The following BRAF variants were observed in gnomAD, a reference collection of about 807,000 sequenced individuals.
The protein encoded by BRAF is serine/threonine-protein kinase B-raf.
A neutral mutation model predicts 104.6 loss-of-function variants in BRAF; 16 were observed. The ratio of observed to expected loss-of-function variants is 0.15; its 90% CI spans 0.10 to 0.23. BRAF has a LOEUF of 0.23. Ranked by LOEUF, BRAF falls within the 10% of genes least tolerant of loss-of-function variation. The pLI is 1.00. For synonymous variants in BRAF, 310 were observed against 341.6 expected, an observed-to-expected ratio of 0.91 and a Z score of 1.02; for missense variants, 541 against 937.3, an observed-to-expected ratio of 0.58 and a Z score of 5.52.
intron 5 of BRAF, among the ~76,000 whole-genome samples, chr7:140,807,263 GGTGTGTACAA>G (rs1803753036): frequency 6.6e-6 from 1 of 151,980 alleles, no homozygotes; most frequent in African/African-American, 2.4e-5. Flanking sequence ...GAAACACAAG[GGTGTGTACAA>G]GTGTGTCAAG....
intron 1 of BRAF, among the ~76,000 whole-genome samples, chr7:140,883,455 TAATATTATTCA>T (rs1813174776): frequency 6.6e-6 from 1 of 152,242 alleles, no homozygotes; most frequent in South Asian, 2.1e-4. Context: ...TCTAGTTAAT[TAATATTATTCA>T]AACATTTAGT....
intron 2 of BRAF, among the ~76,000 whole-genome samples, chr7:140,848,974 T>G (rs1322027728): frequency 2.6e-5 from 4 of 152,256 alleles, no homozygotes; most frequent in African/African-American, 7.2e-5. Context: ...GTAATTAAAT[T>G]ACTAAGTTAC....
At chr7:140,901,309 T>C (rs1382198609) in intron 1 of BRAF, among the ~76,000 whole-genome samples, 2 of 152,232 alleles carry the variant, frequency 1.3e-5, no homozygotes, top group Non-Finnish European at 2.9e-5. Flanking sequence ...TAGATACCAC[T>C]ACAAGTGGAT....
At chr7:140,843,770 C>T (rs931189235) in intron 2 of BRAF, among the ~76,000 whole-genome samples, 1 of 152,116 alleles carries the variant, frequency 6.6e-6, no homozygotes, top group Non-Finnish European at 1.5e-5. Context: ...CTTTGGGAGG[C>T]TGAGGCGGGC....
intron 18 of BRAF, among the ~76,000 whole-genome samples, chr7:140,736,559 C>T (rs1400190635): frequency 6.6e-6 from 1 of 151,842 alleles, no homozygotes; most frequent in Admixed American, 6.5e-5. Flanking sequence ...TCCCGAGTAG[C>T]TGGGATTACA....
chr7:140,801,865 G>A (rs369048919), intron 5 of BRAF, among the ~76,000 whole-genome samples: 15 of 152,240 alleles, frequency 9.9e-5, no homozygotes, highest in East Asian at 9.7e-4. Flanking sequence ...TGAAAAGGAG[G>A]AGGAAACAGA....
intron 17 of BRAF, chr7:140,741,336 T>C (rs191736202): frequency 6.6e-6 from 1 of 152,324 alleles, no homozygotes; most frequent in African/African-American, 2.4e-5. Flanking sequence ...GTAACAGGAT[T>C]TGTAGAGAAG....
chr7:140,786,205 C>G (rs1211591792), intron 9 of BRAF, among the ~76,000 whole-genome samples: 1 of 152,134 alleles, frequency 6.6e-6, no homozygotes, highest in Non-Finnish European at 1.5e-5. Context: ...GCTTGTGTAA[C>G]TATGTGCTAA....
At chr7:140,839,999 C>A (rs1807765219) in intron 2 of BRAF, among the ~76,000 whole-genome samples, 1 of 152,202 alleles carries the variant, frequency 6.6e-6, no homozygotes, top group African/African-American at 2.4e-5. Flanking sequence ...AGGGAATATG[C>A]AGATCTTCCA....
intron 1 of BRAF, among the ~76,000 whole-genome samples, chr7:140,864,237 G>A (rs1810707565): frequency 6.6e-6 from 1 of 152,178 alleles, no homozygotes; most frequent in Non-Finnish European, 1.5e-5. Context: ...CTATGGTTGT[G>A]TTAAGCAAGA....
chr7:140,864,200 G>A (rs1171117243), intron 1 of BRAF, among the ~76,000 whole-genome samples: 1 of 152,162 alleles, frequency 6.6e-6, no homozygotes, highest in Non-Finnish European at 1.5e-5. Flanking sequence ...GGCCAAGAGT[G>A]AATGCAGGGA....
chr7:140,859,895 G>T (rs1425043795), intron 1 of BRAF, among the ~76,000 whole-genome samples: 2 of 152,036 alleles, frequency 1.3e-5, no homozygotes, highest in Non-Finnish European at 2.9e-5. Flanking sequence ...CACCATATTG[G>T]CCAGGATGGT....
chr7:140,906,473 C>A lies in BRAF; in HGVS notation c.138+18093G>T, dbSNP rs115127548. On this transcript the variant is annotated intron_variant, in intron 1 of 19. Transcript: ENST00000644969. ...CGCCTCAGCCTCTCAAAGTACCATGCCCAGCTTCTTGTCACATATTTTAAT... is the reference window on the plus strand; with the variant it reads ...CGCCTCAGCCTCTCAAAGTACCATGACCAGCTTCTTGTCACATATTTTAAT... 6.5e-3 allele frequency among the ~76,000 whole-genome samples: 990 copies of A among 152,294 alleles called. 13 individuals are homozygous for A. The highest frequency in any genetic ancestry group is 0.023 in the African/African-American group (938 of 41,564).
At chr7:140,717,211 G>A (rs1795148717), downstream of BRAF, among the ~76,000 whole-genome samples, 1 of 152,078 alleles carries the variant, frequency 6.6e-6, no homozygotes, top group Admixed American at 6.6e-5. Flanking sequence ...TTGGGTCCTG[G>A]CTACATAAGC....
At chr7:140,846,087 A>T (rs1424989941) in intron 2 of BRAF, among the ~76,000 whole-genome samples, 5 of 151,954 alleles carry the variant, frequency 3.3e-5, no homozygotes, top group Admixed American at 2.0e-4. Context: ...CAGGTGCTAC[A>T]GAAAAAGGTG....
At chr7:140,798,723 G>A (rs1159571411) in intron 7 of BRAF, among the ~76,000 whole-genome samples, 2 of 151,912 alleles carry the variant, frequency 1.3e-5, no homozygotes, top group African/African-American at 2.4e-5. Flanking sequence ...GGGAGGCTGA[G>A]GCAGGAAGAT....
At chr7:140,824,827 G>A (rs1334290780) in intron 3 of BRAF, among the ~76,000 whole-genome samples, 2 of 152,102 alleles carry the variant, frequency 1.3e-5, no homozygotes, top group East Asian at 3.8e-4. Context: ...GCCATTCTAG[G>A]AGGCATGTAA....
intron 2 of BRAF, among the ~76,000 whole-genome samples, chr7:140,847,785 C>T (rs1028856199): frequency 2.0e-4 from 31 of 152,222 alleles, no homozygotes; most frequent in African/African-American, 7.0e-4. Context: ...GGCTGGATAT[C>T]TTGAGTACAG....
intron 1 of BRAF, among the ~76,000 whole-genome samples, chr7:140,881,145 G>C (rs1812858806): frequency 6.6e-6 from 1 of 152,188 alleles, no homozygotes; most frequent in African/African-American, 2.4e-5. Context: ...TGCTGTAAAA[G>C]AATGTGCTGT....
Sources: allele counts gnomAD v4.1 joint callset (sites outside exome capture counted in the v4.1 genomes callset), GRCh38; gene constraint gnomAD v4.1.1; transcripts MANE v1.5; gene names NCBI Gene and HGNC (gene_info 2026-07-23, HGNC 2026-07-21).